USP37: variants seen among roughly 807,000 people sequenced by gnomAD.
USP37 encodes ubiquitin carboxyl-terminal hydrolase 37.
Under a neutral mutation model 124.0 loss-of-function variants are expected in USP37, and 27 were observed. The observed-to-expected ratio is 0.22, with a 90% CI of 0.16 to 0.30. The LOEUF (loss-of-function observed/expected upper bound fraction) is 0.30, where lower values mean the gene tolerates loss of function less well. Among genes scored for constraint, USP37 ranks in the 10% least tolerant of loss-of-function variants. The probability of loss-of-function intolerance (pLI) is 1.00; values close to 1 mark genes in which losing one functional copy is unlikely to be tolerated. For missense variants in USP37, 889 were observed against 1,140.4 expected (o/e 0.78, Z 3.17); for synonymous variants, 365 against 388.0 (o/e 0.94, Z 0.70).
At chr2:218,487,569 C>T (rs944090758) in intron 15 of USP37, among the ~76,000 whole-genome samples, 4 of 151,988 alleles carry the variant, frequency 2.6e-5, no homozygotes, top group African/African-American at 9.7e-5. Context: ...TACAGGCACA[C>T]GCCACCATGC....
At chr2:218,565,363 G>C (rs1396721652) in intron 1 of USP37, among the ~76,000 whole-genome samples, 2 of 152,078 alleles carry the variant, frequency 1.3e-5, no homozygotes, top group African/African-American at 4.8e-5. Context: ...GATTTTTGAA[G>C]GCTTTCTTTC....
At chr2:218,526,946 GC>G (rs1559208657) in intron 10 of USP37, among the ~76,000 whole-genome samples, 1 of 151,536 alleles carries the variant, frequency 6.6e-6, no homozygotes, top group African/African-American at 2.4e-5. Flanking sequence ...CCGCCACCAC[GC>G]CCGGCTAATT....
chr2:218,489,201 T>C (rs1486217166), intron 14 of USP37, among the ~76,000 whole-genome samples: 2 of 148,028 alleles, frequency 1.4e-5, no homozygotes, highest in African/African-American at 2.5e-5. Context: ...CTACAAAAAA[T>C]ACAAAAATTA....
chr2:218,512,454 G>T lies in USP37; in HGVS notation c.864-2314C>A, dbSNP rs1031823835. Among the ~76,000 whole-genome samples the T allele has an allele frequency of 3.3e-5, 5 of 152,122 alleles. No homozygotes were observed. In the South Asian group the frequency reaches 1.0e-3, roughly 31 times the overall value. On this transcript the variant is annotated intron_variant, in intron 10 of 25. Transcript: ENST00000258399. Reference sequence around the variant, plus strand: ...ACTTGGGAGACAGAGGTTGCAGTGAGCTGAGATCATGCCACTGCACTCCAG... The same window carrying T: ...ACTTGGGAGACAGAGGTTGCAGTGATCTGAGATCATGCCACTGCACTCCAG...
chr2:218,500,079 G>T (rs1023898519), intron 11 of USP37, among the ~76,000 whole-genome samples: 1 of 150,200 alleles, frequency 6.7e-6, no homozygotes, highest in Non-Finnish European at 1.5e-5. Context: ...TGTTTTTTTC[G>T]TTTTTTCTTT....
Position 218,458,070 on chromosome 2 carries a change from G to GA in USP37, c.2644-910dup, listed in dbSNP as rs538026681. Among the ~76,000 whole-genome samples the GA allele has an allele frequency of 3.3e-3, 447 of 137,180 alleles. 1 individual carries two copies. The highest frequency in any genetic ancestry group is 5.4e-3 in the Non-Finnish European group (340 of 62,924). 90.0% of individuals were successfully genotyped at this position (137,180 alleles called of 152,430 possible). A position where few individuals can be genotyped will look rare whatever the true frequency, so the allele number is the denominator to read the frequency against. ...AAAAAAAAAAGAAAAGAAAAGAAAA[G>GA]AAAAAAAAAATTGGGGGAAGGAATA... On this transcript the variant is annotated intron_variant, in intron 23 of 25. Transcript: ENST00000258399.
chr2:218,492,822 C>T (rs655441), intron 14 of USP37, among the ~76,000 whole-genome samples: 100,812 of 151,972 alleles, frequency 0.66, 33,883 homozygotes, highest in East Asian at 0.9. Context: ...CTGGGCAACA[C>T]AGTGAGAGCC....
At chr2:218,536,939 G>A (rs1036111578) in intron 8 of USP37, among the ~76,000 whole-genome samples, 2 of 152,148 alleles carry the variant, frequency 1.3e-5, no homozygotes, top group Admixed American at 6.6e-5. Context: ...AGGTAGAGAA[G>A]GATAGGGCTC....
intron 9 of USP37, among the ~76,000 whole-genome samples, chr2:218,532,923 T>G (rs1691414372): frequency 1.3e-5 from 2 of 149,932 alleles, no homozygotes; most frequent in South Asian, 4.2e-4. Flanking sequence ...AGTGAGACCC[T>G]ATCTCAAAAA....
At chr2:218,460,028 C>T (rs886162986) in intron 22 of USP37, 123 bp from the exon 23 acceptor site, 45 of 463,240 alleles carry the variant, frequency 9.7e-5, no homozygotes, top group South Asian at 3.6e-4. Context: ...GTCAGGAGTT[C>T]GAGACCAGCC....
At chr2:218,463,934 C>T (rs1375261011) in intron 21 of USP37, among the ~76,000 whole-genome samples, 2 of 149,092 alleles carry the variant, frequency 1.3e-5, no homozygotes, top group Non-Finnish European at 3.0e-5. Context: ...CGGCTCACTG[C>T]ATCCTCTACC....
chr2:218,470,689 G>A (rs1240731574), intron 20 of USP37, among the ~76,000 whole-genome samples: 1 of 152,168 alleles, frequency 6.6e-6, no homozygotes, highest in African/African-American at 2.4e-5. Context: ...CTAACTTGCT[G>A]TGGGCTTTCT....
At chr2:218,545,287 G>T (rs1429071807) in intron 8 of USP37, among the ~76,000 whole-genome samples, 1 of 152,180 alleles carries the variant, frequency 6.6e-6, no homozygotes, top group Non-Finnish European at 1.5e-5. Flanking sequence ...CACAAAGGTG[G>T]TATATGCAAT....
intron 4 of USP37, among the ~76,000 whole-genome samples, chr2:218,556,424 G>T (rs1272850794): frequency 4.7e-5 from 7 of 150,272 alleles, no homozygotes; most frequent in Admixed American, 3.3e-4. Flanking sequence ...AGTGCAAATG[G>T]CTTGCTTTCT....
In USP37 at chr2:218,482,246, G is replaced by T. The variant is rs1219774956; in HGVS notation, c.1671-12C>A. 2 of 1,605,876 alleles carry T rather than the reference G, an allele frequency of 1.2e-6. No individual in the cohort carries two copies. Among genetic ancestry groups the T allele is most frequent in the Non-Finnish European group, 1.7e-6 (2 of 1,174,300 alleles). On this transcript the variant is annotated splice_polypyrimidine_tract_variant and intron_variant, in intron 16 of 25. Transcript: ENST00000258399. ...GGAGAATGAGGACCCTGAAAAACAG[G>T]AGATGACAACCTTACTAATTCATAC... is the stretch of plus-strand genomic sequence containing the variant.
At chr2:218,549,429 G>T (rs1692539874) in intron 6 of USP37, among the ~76,000 whole-genome samples, 1 of 151,238 alleles carries the variant, frequency 6.6e-6, no homozygotes, top group African/African-American at 2.4e-5. Context: ...ATACATTTCA[G>T]GTATGCAGAA....
At chr2:218,560,699 A>T (rs1037933900) in intron 3 of USP37, 121 bp downstream of exon 3, 9 of 152,230 alleles carry the variant, frequency 5.9e-5, no homozygotes, top group African/African-American at 1.9e-4. Flanking sequence ...TAGCATTGCC[A>T]GACCATCTAA....
chr2:218,481,269 C>A (rs1294266688), intron 17 of USP37, among the ~76,000 whole-genome samples: 1 of 152,192 alleles, frequency 6.6e-6, no homozygotes, highest in Non-Finnish European at 1.5e-5. Flanking sequence ...AAGTTCTTTA[C>A]ACTGCTGATA....
At chr2:218,532,179 T>C (rs1484654093) in intron 9 of USP37, among the ~76,000 whole-genome samples, 3 of 152,012 alleles carry the variant, frequency 2.0e-5, no homozygotes, top group South Asian at 2.1e-4. Context: ...TCTTAAGAAA[T>C]TGCCTTGGCC....
Sources: gnomAD v4.1 joint callset for allele counts (sites outside exome capture counted in the v4.1 genomes callset) on GRCh38, gnomAD v4.1.1 for gene constraint, MANE v1.5 for transcripts, NCBI Gene and HGNC (gene_info 2026-07-23, HGNC 2026-07-21) for gene names.